Variants in NEK1 observed in about 807,000 individuals in gnomAD.
The protein encoded by NEK1 is NIMA related kinase 1, also known as serine/threonine-protein kinase Nek1.
Under a neutral mutation model 182.1 loss-of-function variants are expected in NEK1, and 137 were observed. The ratio of observed to expected loss-of-function variants is 0.75; its 90% CI spans 0.65 to 0.87. The LOEUF (loss-of-function observed/expected upper bound fraction) is 0.87. NEK1 is among the 40% of genes least tolerant of loss of function. NEK1 has a pLI of 0.00. For synonymous variants in NEK1, 513 were observed against 492.2 expected, an observed-to-expected ratio of 1.04 and a Z score of -0.56; for missense variants, 1,391 against 1,494.4, an observed-to-expected ratio of 0.93 and a Z score of 1.14.
At chr4:169,417,126 C>T (rs1263908780) in intron 31 of NEK1, among the ~76,000 whole-genome samples, 1 of 152,128 alleles carries the variant, frequency 6.6e-6, no homozygotes, top group African/African-American at 2.4e-5. Flanking sequence ...CAAGGCCCCA[C>T]TTGAAAGACT....
chr4:169,595,385 T>G (rs1769265652), intron 5 of NEK1, among the ~76,000 whole-genome samples: 1 of 152,234 alleles, frequency 6.6e-6, no homozygotes. Flanking sequence ...TTAGATTATG[T>G]TTTTATAAAC....
intron 12 of NEK1, among the ~76,000 whole-genome samples, chr4:169,563,528 T>C (rs1380675532): frequency 1.3e-5 from 2 of 152,208 alleles, no homozygotes; most frequent in East Asian, 3.8e-4. Context: ...TAGGTAATCA[T>C]ATCAAATGTA....
intron 23 of NEK1, among the ~76,000 whole-genome samples, chr4:169,500,218 C>T (rs899200892): frequency 1.4e-4 from 22 of 152,240 alleles, no homozygotes; most frequent in Admixed American, 1.3e-3. Context: ...GATATAATCT[C>T]CTGGTGTGCC....
intron 29 of NEK1, among the ~76,000 whole-genome samples, chr4:169,431,903 A>G (rs1297095724): frequency 6.6e-6 from 1 of 152,104 alleles, no homozygotes; most frequent in African/African-American, 2.4e-5. Flanking sequence ...AAACAAAAAT[A>G]AACTATATAC....
chr4:169,481,700 T>C (rs957452754), intron 23 of NEK1, among the ~76,000 whole-genome samples: 1 of 152,210 alleles, frequency 6.6e-6, no homozygotes, highest in African/African-American at 2.4e-5. Context: ...GTTCCATTTA[T>C]AGAACACAAA....
intron 11 of NEK1, among the ~76,000 whole-genome samples, chr4:169,578,118 T>G (rs1162222868): frequency 2.0e-5 from 3 of 152,186 alleles, no homozygotes; most frequent in African/African-American, 7.2e-5. Context: ...TGCAGTATTA[T>G]GTATTTAACC....
intron 23 of NEK1, among the ~76,000 whole-genome samples, chr4:169,487,894 T>G (rs1286804029): frequency 1.3e-5 from 2 of 152,358 alleles, no homozygotes; most frequent in East Asian, 1.9e-4. Flanking sequence ...TGGTTCTGAT[T>G]TGCATTTCTC....
intron 19 of NEK1, among the ~76,000 whole-genome samples, chr4:169,522,014 G>A (rs1756146952): frequency 6.6e-6 from 1 of 152,086 alleles, no homozygotes; most frequent in Non-Finnish European, 1.5e-5. Context: ...AAGATACAAT[G>A]TTAAATTTTT....
rs546824468 is a variant in NEK1 at position 169,474,343 on chromosome 4, A to G, written c.2434+2781T>C. On this transcript the variant is annotated intron_variant, in intron 26 of 35. Transcript: ENST00000507142. ...TTAAAATGAGACAGTGATGTGATAT[A>G]CTTTGGTTTTCTAATCAGCATAAAA... 3.0e-4 allele frequency among the ~76,000 whole-genome samples: 46 copies of G among 152,338 alleles called. 1 individual carries two copies. The highest frequency in any genetic ancestry group is 5.7e-4 in the Non-Finnish European group (39 of 68,022).
At chr4:169,533,247 T>C (rs1046157525) in intron 19 of NEK1, among the ~76,000 whole-genome samples, 1 of 152,226 alleles carries the variant, frequency 6.6e-6, no homozygotes, top group Non-Finnish European at 1.5e-5. Context: ...TAGTCTTCTC[T>C]GGCTGGTTGT....
At chr4:169,424,452 C>CT (rs1736013710) in intron 31 of NEK1, 101 bp downstream of exon 31, 3 of 1,303,328 alleles carry the variant, frequency 2.3e-6, no homozygotes, top group Admixed American at 6.2e-5. Context: ...GTGTTTGTGT[C>CT]TGTGTTAAGA....
chr4:169,552,145 A>G (rs1326395082), intron 18 of NEK1, among the ~76,000 whole-genome samples: 1 of 152,136 alleles, frequency 6.6e-6, no homozygotes, highest in Non-Finnish European at 1.5e-5. Context: ...ATCTAAGACA[A>G]TGAGTATTAT....
At position 169,537,919 on chromosome 4, in the gene NEK1, G is replaced by T; in HGVS notation, c.1563-8C>A. The stretch of plus-strand genomic sequence containing the variant: ...GCTAGCTGCCCTTTTTGCCTAATTT[G>T]GACAAATCACAAAGTCAGCCATCCT... On this transcript the variant is annotated splice_region_variant and splice_polypyrimidine_tract_variant and intron_variant, in intron 18 of 35. Coordinates refer to ENST00000507142, the MANE Select transcript of NEK1 (RefSeq NM_001199397.3). 1.3e-6 allele frequency: 2 copies of T among 1,562,074 alleles called. No individual in the cohort carries two copies. The highest frequency in any genetic ancestry group is 1.7e-6 in the Non-Finnish European group (2 of 1,147,072).
At chr4:169,592,870 T>C (rs921498403) in intron 5 of NEK1, among the ~76,000 whole-genome samples, 2 of 152,176 alleles carry the variant, frequency 1.3e-5, no homozygotes, top group East Asian at 3.9e-4. Context: ...ATACCTATAA[T>C]AATTGCATAA....
At chr4:169,408,849 C>T (rs373861577) in intron 31 of NEK1, among the ~76,000 whole-genome samples, 3 of 152,116 alleles carry the variant, frequency 2.0e-5, no homozygotes, top group African/African-American at 7.2e-5. Context: ...GTATATTCCA[C>T]GTTTTCTTTA....
chr4:169,525,367 T>C (rs1400735893), intron 19 of NEK1, among the ~76,000 whole-genome samples: 1 of 152,124 alleles, frequency 6.6e-6, no homozygotes, highest in Non-Finnish European at 1.5e-5. Context: ...TGACCTCAGG[T>C]GATCTGCCTG....
intron 23 of NEK1, among the ~76,000 whole-genome samples, chr4:169,494,312 T>C (rs1045830951): frequency 5.9e-5 from 9 of 152,150 alleles, no homozygotes; most frequent in Admixed American, 3.3e-4. Flanking sequence ...TGTGTTCTCA[T>C]TGTTCAATTC....
chr4:169,503,860 A>G (rs1211672196), intron 23 of NEK1, among the ~76,000 whole-genome samples: 1 of 152,114 alleles, frequency 6.6e-6, no homozygotes, highest in Admixed American at 6.6e-5. Flanking sequence ...CTAAGTAAAA[A>G]TGGACAAATG....
chr4:169,560,009 C>A (rs1279426614), intron 16 of NEK1, among the ~76,000 whole-genome samples: 1 of 151,836 alleles, frequency 6.6e-6, no homozygotes, highest in Non-Finnish European at 1.5e-5. Context: ...AACTCCATCT[C>A]AAAAAAATAA....
Sources: allele counts gnomAD v4.1 joint callset (sites outside exome capture counted in the v4.1 genomes callset), GRCh38; gene constraint gnomAD v4.1.1; transcripts MANE v1.5; gene names NCBI Gene and HGNC (gene_info 2026-07-23, HGNC 2026-07-21).